NEDD1: variants seen among roughly 807,000 people sequenced by gnomAD.
NEDD1 encodes the protein protein NEDD1.
In NEDD1, 33 loss-of-function variants were observed where a neutral mutation model predicts 74.0. The ratio of observed to expected loss-of-function variants is 0.45; its 90% CI spans 0.34 to 0.60. NEDD1 has a LOEUF of 0.60. Among genes scored for constraint, NEDD1 ranks in the 20% least tolerant of loss-of-function variants. The probability of loss-of-function intolerance (pLI) is 0.01; values close to 1 mark genes in which losing one functional copy is unlikely to be tolerated. For synonymous variants in NEDD1, 250 were observed against 264.4 expected (o/e 0.95, Z 0.53); for missense variants, 746 against 776.5 (o/e 0.96, Z 0.47).
In NEDD1 at chr12:96,907,414, C is replaced by T. The variant is rs1592844938; in HGVS notation, c.-262+114C>T. 1.5e-5 allele frequency: 8 copies of T among 529,910 alleles called. No individual in the cohort carries two copies. In the Admixed American group the frequency reaches 3.0e-4, roughly 20 times the overall value. The allele number at this position is 529,910 out of a possible 1,614,324, so 32.8% of individuals were successfully genotyped here. A position where few individuals can be genotyped will look rare whatever the true frequency, so the allele number is the denominator to read the frequency against. On this transcript the variant is annotated intron_variant, in intron 1 of 15. Transcript: ENST00000266742. ...AGAGGGCGGGGCGGCGGTCCTTGGG[C>T]TTTGCGCGCCCGGAGCGGTTGCTGG...
At chr12:96,911,950 A>G (rs1873958402) in intron 3 of NEDD1, among the ~76,000 whole-genome samples, 1 of 152,126 alleles carries the variant, frequency 6.6e-6, no homozygotes, top group African/African-American at 2.4e-5. Context: ...AAAAGCACAG[A>G]TTTAAACTTC....
At chr12:96,934,652 C>T (rs977928037) in intron 6 of NEDD1, among the ~76,000 whole-genome samples, 4 of 152,030 alleles carry the variant, frequency 2.6e-5, no homozygotes, top group African/African-American at 7.3e-5. Context: ...GTTCTCTTGC[C>T]TCAGCCTCCC....
intron 6 of NEDD1, among the ~76,000 whole-genome samples, chr12:96,926,909 C>T (rs545153857): frequency 1.3e-5 from 2 of 151,550 alleles, no homozygotes; most frequent in South Asian, 4.2e-4. Context: ...AGAGATTGAG[C>T]CTGGGAGGTT....
At chr12:96,942,475 A>C (rs1424921831) in intron 10 of NEDD1, 102 bp from the exon 11 acceptor site, 1 of 684,782 alleles carries the variant, frequency 1.5e-6, no homozygotes, top group Non-Finnish European at 2.6e-6. Context: ...TAGCTTTTTA[A>C]GATTGTTAGT....
Position 96,917,733 on chromosome 12 carries a change from TTAAGG to T in NEDD1, c.348+1_348+5del. The stretch of plus-strand genomic sequence containing the variant: ...AAATCAAAAAGAGTTCATCGATCTC[TTAAGG>T]TAAGCAATTTAAAAAAAATCTTCAT... On this transcript the variant is annotated splice_donor_variant and coding_sequence_variant, in exon 5 of 16. Transcript: ENST00000266742. LOFTEE classifies it high-confidence loss of function. 6.4e-7 allele frequency: 1 copy of T among 1,550,964 alleles called. No individual in the cohort carries two copies. Among genetic ancestry groups the T allele is most frequent in the Non-Finnish European group, 8.6e-7 (1 of 1,160,280 alleles).
chr12:96,919,961 CTT>C, intron 5 of NEDD1, 22 bp from the exon 6 acceptor site: 4 of 1,572,390 alleles, frequency 2.5e-6, no homozygotes, highest in Non-Finnish European at 3.5e-6. Context: ...GGGCAGTGTA[CTT>C]ACTTTCATTT....
Position 96,940,485 on chromosome 12 carries a change from TGA to T in NEDD1, c.1195_1196del (p.Asp399Ter). 6.2e-7 allele frequency: 1 copy of T among 1,606,424 alleles called. No individual in the cohort carries two copies. The highest frequency in any genetic ancestry group is 8.5e-7 in the Non-Finnish European group (1 of 1,173,846). Reference sequence around the variant, plus strand: ...GAAAAAATCAGGATTTCTCCAGCTTTGATGATACTGGGAAAAGTAGTTTAGGT... The same window carrying T: ...GAAAAAATCAGGATTTCTCCAGCTTTTGATACTGGGAAAAGTAGTTTAGGT... ...SGKNQDFSSF[D>X]DTGKSSLGDM... On this transcript the variant is annotated frameshift_variant, in exon 10 of 16. Coordinates refer to ENST00000266742, the MANE Select transcript of NEDD1 (RefSeq NM_152905.4). LOFTEE classifies it high-confidence loss of function.
intron 6 of NEDD1, among the ~76,000 whole-genome samples, chr12:96,927,171 A>G (rs962554218): frequency 1.3e-5 from 2 of 152,136 alleles, no homozygotes; most frequent in African/African-American, 4.8e-5. Context: ...TAAATTAAAA[A>G]TTTTTCTACT....
In NEDD1 at chr12:96,907,800, T is replaced by C. The variant is rs1048909839; in HGVS notation, c.-65T>C. On this transcript the variant is annotated 5_prime_UTR_variant, in exon 2 of 16. Coordinates refer to ENST00000266742, the MANE Select transcript of NEDD1 (RefSeq NM_152905.4). ...TGACTGCTAGCTTTCGACGGGACCG[T>C]CTTTGAGGGACTCATGTAAAGTCTC... 4.7e-6 allele frequency: 7 copies of C among 1,483,088 alleles called. No homozygotes were observed. The highest frequency in any genetic ancestry group is 4.2e-5 in the African/African-American group (3 of 71,292). 91.9% of individuals were successfully genotyped at this position (1,483,088 alleles called of 1,614,324 possible). A position where few individuals can be genotyped will look rare whatever the true frequency, so the allele number is the denominator to read the frequency against.
Position 96,951,985 on chromosome 12 carries a change from A to G in NEDD1, c.1915A>G (p.Asn639Asp). The G allele has an allele frequency of 6.2e-7, 1 of 1,603,266 alleles. No homozygotes were observed. Among genetic ancestry groups the G allele is most frequent in the Non-Finnish European group, 8.5e-7 (1 of 1,171,290 alleles). Residue 639 changes from asparagine (N) to aspartate (D), a missense_variant, in exon 16 of 16, where the codon AAT (asparagine) becomes GAT (aspartate). Asn to Asp is a conservative substitution (Grantham distance 23). Transcript: ENST00000266742. The part of the protein sequence containing the change: ...MHSLLERYSV[N>D]EGLVAEIERL... ...TTCTTTGCTGGAAAGATACTCAGTG[A>G]ATGAAGGTTTAGTGGCTGAAATTGA...
rs1235461580 is a variant in NEDD1 at position 96,943,652 on chromosome 12, A to G, written c.1387A>G (p.Asn463Asp). The change falls in exon 12 of 16, where the codon AAT becomes GAT. Residue 463 changes from asparagine (N) to aspartate (D), a missense_variant. By Grantham distance (23) the Asn-to-Asp change is conservative. Transcript: ENST00000266742. ...STSVLHSSPL[N>D]VFMGSPGKEE... ...TTCAGTATTGCATTCTAGTCCTCTT[A>G]ATGTTTTTATGGGATCTCCAGGGAA... The G allele has an allele frequency of 1.9e-6, 3 of 1,611,294 alleles. No individual in the cohort carries two copies. The highest frequency in any genetic ancestry group is 1.7e-4 in the Middle Eastern group (1 of 6,056).
intron 6 of NEDD1, 32 bp downstream of exon 6, chr12:96,920,157 GT>G: frequency 7.1e-7 from 1 of 1,413,570 alleles, no homozygotes; most frequent in South Asian, 1.5e-5. Flanking sequence ...AGTAAAATTG[GT>G]AAGATAGATT....
chr12:96,917,371 C>T (rs1297070590), intron 4 of NEDD1, among the ~76,000 whole-genome samples: 1 of 152,098 alleles, frequency 6.6e-6, no homozygotes, highest in Admixed American at 6.5e-5. Context: ...CTTCCTGTGT[C>T]GTCACCGGTC....
intron 6 of NEDD1, among the ~76,000 whole-genome samples, chr12:96,934,218 T>TC (rs1876848277): frequency 6.6e-6 from 1 of 151,858 alleles, no homozygotes; most frequent in African/African-American, 2.4e-5. Context: ...TTTTTTTTTT[T>TC]CTCCCAGTAT....
intron 3 of NEDD1, among the ~76,000 whole-genome samples, chr12:96,910,898 T>TA (rs564718607): frequency 7.2e-5 from 11 of 152,190 alleles, no homozygotes; most frequent in South Asian, 2.1e-4. Flanking sequence ...TACTTTCTGA[T>TA]AAAAAAATCA....
At position 96,909,858 on chromosome 12, in the gene NEDD1, A is replaced by G; in HGVS notation, c.99A>G (p.Ser33=). 1 of 1,613,644 alleles carries G rather than the reference A, an allele frequency of 6.2e-7. No homozygotes were observed. Among genetic ancestry groups the G allele is most frequent in the Non-Finnish European group, 8.5e-7 (1 of 1,179,898 alleles). ...TGGATAAATTCAACCCACACACATCACCACATGGAATCAGCTCAATATGTT... is the reference window on the plus strand; with the variant it reads ...TGGATAAATTCAACCCACACACATCGCCACATGGAATCAGCTCAATATGTT... ...TLVDKFNPHT[S]PHGISSICWS... The change falls in exon 3 of 16, where the codon TCA becomes TCG. Residue 33 remains serine (S), a synonymous_variant. Coordinates refer to ENST00000266742, the MANE Select transcript of NEDD1 (RefSeq NM_152905.4).
chr12:96,942,679 A>G (rs756362643), intron 11 of NEDD1, 55 bp downstream of exon 11: 10 of 850,360 alleles, frequency 1.2e-5, no homozygotes, highest in Non-Finnish European at 1.8e-5. Context: ...TGTATTATCT[A>G]TGCTGTGTAA....
chr12:96,928,445 A>G (rs1199039498), intron 6 of NEDD1, among the ~76,000 whole-genome samples: 3 of 152,174 alleles, frequency 2.0e-5, no homozygotes, highest in African/African-American at 4.8e-5. Context: ...TTCTCTTTCA[A>G]TGTAATTTAG....
At chr12:96,909,558 A>G (rs893641873) in intron 2 of NEDD1, among the ~76,000 whole-genome samples, 194 bp from the exon 3 acceptor site, 1 of 152,214 alleles carries the variant, frequency 6.6e-6, no homozygotes, top group Non-Finnish European at 1.5e-5. Flanking sequence ...GTGAGGAGCC[A>G]TTGGAAGGGT....
Sources: gnomAD v4.1 joint callset for allele counts (sites outside exome capture counted in the v4.1 genomes callset) on GRCh38, gnomAD v4.1.1 for gene constraint, MANE v1.5 for transcripts, NCBI Gene and HGNC (gene_info 2026-07-23, HGNC 2026-07-21) for gene names.